CYP27A1: variants seen among roughly 807,000 people sequenced by gnomAD.
The protein encoded by CYP27A1 is cytochrome P450 family 27 subfamily A member 1.
In CYP27A1, 46 loss-of-function variants were observed where a neutral mutation model predicts 58.2. The ratio of observed to expected loss-of-function variants is 0.79; its 90% CI spans 0.62 to 1.01. The LOEUF (loss-of-function observed/expected upper bound fraction) is 1.01, where lower values mean the gene tolerates loss of function less well. CYP27A1 is among the 50% of genes least tolerant of loss of function. The probability of loss-of-function intolerance (pLI) is 0.00; values close to 1 mark genes in which losing one functional copy is unlikely to be tolerated. For synonymous variants in CYP27A1, 274 were observed against 285.1 expected, an observed-to-expected ratio of 0.96 and a Z score of 0.39; for missense variants, 704 against 687.0, an observed-to-expected ratio of 1.02 and a Z score of -0.28.
rs72551318 is a variant in CYP27A1, at chr2:218,812,713, C to G, written c.808C>G (p.Arg270Gly). 2.4e-5 allele frequency: 39 copies of G among 1,614,098 alleles called. No homozygotes were observed. Among genetic ancestry groups the G allele is most frequent in the Non-Finnish European group, 3.1e-5 (36 of 1,180,040 alleles). The change falls in exon 4 of 9, where the codon CGA becomes GGA. Residue 270 changes from arginine (R) to glycine (G), a missense_variant. By Grantham distance (125) the Arg-to-Gly change is moderately radical. Coordinates refer to ENST00000258415, the MANE Select transcript of CYP27A1 (RefSeq NM_000784.4). The part of the protein sequence containing the change: ...WTRPVLPFWK[R>G]YLDGWNAIFS... Reference sequence around the variant, plus strand: ...TCGCCCCGTGCTGCCTTTCTGGAAGCGATACCTGGATGGTTGGAATGCCAT... The same window carrying G: ...TCGCCCCGTGCTGCCTTTCTGGAAGGGATACCTGGATGGTTGGAATGCCAT...
intron 2 of CYP27A1, 72 bp downstream of exon 2, chr2:218,809,839 G>A: frequency 7.0e-7 from 1 of 1,432,268 alleles, no homozygotes; most frequent in Non-Finnish European, 9.6e-7. Context: ...GCACAGGGCA[G>A]GCAGGTGGAT....
At chr2:218,798,868 G>A (rs1251901889) in intron 1 of CYP27A1, among the ~76,000 whole-genome samples, 1 of 147,404 alleles carries the variant, frequency 6.8e-6, no homozygotes, top group Non-Finnish European at 1.5e-5. Context: ...GGGTGACAGA[G>A]CGAGACTTGA....
chr2:218,811,737 C>T (rs1943717758), intron 2 of CYP27A1, among the ~76,000 whole-genome samples: 5 of 152,234 alleles, frequency 3.3e-5, no homozygotes, highest in Admixed American at 3.3e-4. Context: ...TCAGCCTCTG[C>T]AGCTCCCCCT....
chr2:218,804,604 G>T (rs1476383334), intron 1 of CYP27A1, among the ~76,000 whole-genome samples: 1 of 152,186 alleles, frequency 6.6e-6, no homozygotes, highest in Admixed American at 6.5e-5. Flanking sequence ...GAAAGGGAAT[G>T]CATTGAATTT....
At chr2:218,812,154 G>A in intron 2 of CYP27A1, 68 bp from the exon 3 acceptor site, 1 of 1,230,572 alleles carries the variant, frequency 8.1e-7, no homozygotes, top group South Asian at 1.2e-5. Context: ...ACTTCAGGGT[G>A]AGAAGATCTC....
intron 1 of CYP27A1, among the ~76,000 whole-genome samples, chr2:218,788,748 G>A (rs569845396): frequency 6.6e-6 from 1 of 152,086 alleles, no homozygotes; most frequent in Admixed American, 6.6e-5. Flanking sequence ...TTCCTATTTG[G>A]CTTCCTTCTT....
intron 1 of CYP27A1, among the ~76,000 whole-genome samples, chr2:218,791,506 C>T (rs939973960): frequency 2.0e-5 from 3 of 152,164 alleles, no homozygotes; most frequent in African/African-American, 7.2e-5. Flanking sequence ...AGATAAGAGT[C>T]TCGTGATAGT....
At chr2:218,796,859 G>C (rs184065575) in intron 1 of CYP27A1, among the ~76,000 whole-genome samples, 1 of 152,250 alleles carries the variant, frequency 6.6e-6, no homozygotes, top group East Asian at 1.9e-4. Flanking sequence ...TGATATTTGT[G>C]AATATTTCAG....
intron 1 of CYP27A1, among the ~76,000 whole-genome samples, chr2:218,786,756 G>A (rs1053759062): frequency 1.3e-5 from 2 of 151,860 alleles, no homozygotes; most frequent in African/African-American, 2.4e-5. Context: ...AATGTCCTAA[G>A]TACATATGTG....
Position 218,805,604 on chromosome 2 carries a change from C to T in CYP27A1, c.256-3973C>T, listed in dbSNP as rs376714789. The stretch of plus-strand genomic sequence containing the variant: ...TTATGCTGTGCTTACTGCTGTATCC[C>T]TAGGAGGAACAGGACATGAGATTCA... On this transcript the variant is annotated intron_variant, in intron 1 of 8. Coordinates refer to ENST00000258415, the MANE Select transcript of CYP27A1 (RefSeq NM_000784.4). Among the ~76,000 whole-genome samples, 12 of 151,974 alleles carry T rather than the reference C, an allele frequency of 7.9e-5. 1 individual carries two copies. The East Asian group carries it at 2.1e-3, about 27-fold the overall frequency.
intron 1 of CYP27A1, among the ~76,000 whole-genome samples, chr2:218,805,607 G>GCCCCTTGAACAGTATA (rs1943643742): frequency 1.3e-5 from 2 of 152,032 alleles, no homozygotes; most frequent in South Asian, 2.1e-4. Context: ...TGTATCCCTA[G>GCCCCTTGAACAGTATA]GAGGAACAGG....
chr2:218,782,269 C>T lies in CYP27A1; in HGVS notation c.87C>T (p.Ala29=), dbSNP rs1310841339. 1.3e-6 allele frequency: 2 copies of T among 1,570,268 alleles called. No homozygotes were observed. The highest frequency in any genetic ancestry group is 1.7e-6 in the Non-Finnish European group (2 of 1,158,548). The change falls in exon 1 of 9, where the codon GCC becomes GCT. Residue 29 remains alanine, a synonymous_variant. Coordinates refer to ENST00000258415, the MANE Select transcript of CYP27A1 (RefSeq NM_000784.4). This position sits in a 1 kb window ranked among gnomAD's most constrained non-coding sequence, Gnocchi z 4.1. ...GLCPHGARAK[A]AIPAALPSDK... ...GCCCCCACGGGGCCAGAGCCAAGGC[C>T]GCGATCCCTGCCGCCCTCCCCTCGG...
intron 1 of CYP27A1, among the ~76,000 whole-genome samples, chr2:218,801,247 G>A (rs1422073641): frequency 6.6e-6 from 1 of 152,194 alleles, no homozygotes; most frequent in African/African-American, 2.4e-5. Flanking sequence ...CACGTTGTTT[G>A]TAATATCAGC....
At chr2:218,791,617 A>G (rs1281067548) in intron 1 of CYP27A1, among the ~76,000 whole-genome samples, 2 of 152,190 alleles carry the variant, frequency 1.3e-5, no homozygotes, top group Admixed American at 6.5e-5. Flanking sequence ...TAAGGTTTCT[A>G]ATGGGTGTAC....
chr2:218,812,707 T>C lies in CYP27A1; in HGVS notation c.802T>C (p.Trp268Arg), dbSNP rs535323883. ...PKWTRPVLPFWKRYLDGWNAI... is the reference protein window; with the variant it reads ...PKWTRPVLPFRKRYLDGWNAI... ...GTGGACTCGCCCCGTGCTGCCTTTC[T>C]GGAAGCGATACCTGGATGGTTGGAA... is the stretch of plus-strand genomic sequence containing the variant. Residue 268 changes from tryptophan (W) to arginine (R), a missense_variant, in exon 4 of 9, where the codon TGG becomes CGG. Transcript: ENST00000258415. 62 of 1,614,242 alleles carry C rather than the reference T, an allele frequency of 3.8e-5. No individual in the cohort carries two copies. The South Asian group carries it at 6.8e-4, about 18-fold the overall frequency.
chr2:218,797,204 A>C (rs1943555659), intron 1 of CYP27A1, among the ~76,000 whole-genome samples: 1 of 152,072 alleles, frequency 6.6e-6, no homozygotes, highest in Admixed American at 6.6e-5. Context: ...GTTTCAAGCA[A>C]TTCTCCTGCC....
At chr2:218,814,480 G>A (rs761469812) in intron 7 of CYP27A1, 22 bp downstream of exon 7, 18 of 1,613,478 alleles carry the variant, frequency 1.1e-5, no homozygotes, top group Admixed American at 6.7e-5. Context: ...TAGAGAGCCC[G>A]ATTGCCCAGG....
At position 218,788,759 on chromosome 2, in the gene CYP27A1, C is replaced by T. The variant is rs537191742; in HGVS notation, c.255+6322C>T. 1.2e-4 allele frequency among the ~76,000 whole-genome samples: 18 copies of T among 152,304 alleles called. No homozygotes were observed. In the South Asian group the frequency reaches 3.7e-3, roughly 32 times the overall value. On this transcript the variant is annotated intron_variant, in intron 1 of 8. Transcript: ENST00000258415. ...ATTCTTCCTATTTGGCTTCCTTCTTCTGGATTTTGTTAACACCACTCCCAT... is the reference window on the plus strand; with the variant it reads ...ATTCTTCCTATTTGGCTTCCTTCTTTTGGATTTTGTTAACACCACTCCCAT...
Position 218,814,985 on chromosome 2 carries a change from TC to T in CYP27A1, c.1554del (p.Asn519IlefsTer71). On this transcript the variant is annotated frameshift_variant, in exon 9 of 9. Transcript: ENST00000258415. LOFTEE classifies it high-confidence loss of function. ...LKSVARIVLVPNKKVGLQFLQ... is the reference protein window; with the variant it reads ...LKSVARIVLVXNKKVGLQFLQ... ...AGAGTGTGGCCCGCATTGTCCTGGT[TC>T]CCAATAAGAAAGTGGGCCTGCAGTT... The T allele has an allele frequency of 5.0e-6, 8 of 1,614,176 alleles. No homozygotes were observed. Among genetic ancestry groups the T allele is most frequent in the Non-Finnish European group, 6.8e-6 (8 of 1,180,022 alleles).
Sources: allele counts gnomAD v4.1 joint callset (sites outside exome capture counted in the v4.1 genomes callset), GRCh38; gene constraint gnomAD v4.1.1; non-coding constraint Gnocchi (gnomAD v3.1); transcripts MANE v1.5; gene names NCBI Gene and HGNC (gene_info 2026-07-23, HGNC 2026-07-21).